Variants in R3HDM2 observed in about 807,000 individuals in gnomAD.
R3HDM2 encodes R3H domain-containing protein 2.
In R3HDM2, 38 loss-of-function variants were observed where a neutral mutation model predicts 124.5. The observed-to-expected ratio is 0.31, with a 90% CI of 0.24 to 0.40. The LOEUF (loss-of-function observed/expected upper bound fraction) is 0.40. R3HDM2 is among the 10% of genes least tolerant of loss of function. The pLI is 1.00. For synonymous variants in R3HDM2, 391 were observed against 448.0 expected (o/e 0.87, Z 1.61); for missense variants, 869 against 1,236.9 (o/e 0.70, Z 4.46).
chr12:57,298,611 A>G (rs373074151), intron 6 of R3HDM2, among the ~76,000 whole-genome samples: 2 of 152,048 alleles, frequency 1.3e-5, no homozygotes, highest in South Asian at 4.2e-4. Flanking sequence ...CTACCAGTAC[A>G]AGAGTTTAAA....
chr12:57,390,936 C>T (rs867262696), intron 2 of R3HDM2, among the ~76,000 whole-genome samples: 4 of 151,464 alleles, frequency 2.6e-5, no homozygotes, highest in African/African-American at 4.8e-5. Context: ...CACTTGAACC[C>T]GGGAAGCAGA....
intron 1 of R3HDM2, among the ~76,000 whole-genome samples, chr12:57,404,309 C>T (rs2068321839): frequency 6.6e-6 from 1 of 150,612 alleles, no homozygotes; most frequent in Non-Finnish European, 1.5e-5. Flanking sequence ...GGTGATCCAC[C>T]CGCCTCAGCC....
At chr12:57,318,521 T>A (rs2055675704) in intron 2 of R3HDM2, among the ~76,000 whole-genome samples, 1 of 151,806 alleles carries the variant, frequency 6.6e-6, no homozygotes, top group Non-Finnish European at 1.5e-5. Context: ...TGGTGGTGTG[T>A]GCCTTAGTCA....
chr12:57,290,054 A>T (rs2048266212), intron 11 of R3HDM2, among the ~76,000 whole-genome samples: 1 of 152,262 alleles, frequency 6.6e-6, no homozygotes, highest in Non-Finnish European at 1.5e-5. Flanking sequence ...AACAAAGAAT[A>T]CATACATTAG....
rs1018834297 is a variant in R3HDM2 at position 57,320,280 on chromosome 12, A to C, written c.-35-9817T>G. ...CTATCTCAAAAAAAAAAAAAAAAAA[A>C]AAAAAAAAGCCTTAAACAGCTAAAA... On this transcript the variant is annotated intron_variant, in intron 2 of 23. Coordinates refer to ENST00000402412, the MANE Select transcript of R3HDM2 (RefSeq NM_001394031.1). 3.1e-4 allele frequency among the ~76,000 whole-genome samples: 44 copies of C among 144,228 alleles called. 1 individual carries two copies. Among genetic ancestry groups the C allele is most frequent in the Admixed American group, 9.8e-4 (14 of 14,346 alleles). 94.6% of individuals were successfully genotyped at this position (144,228 alleles called of 152,430 possible). A position where few individuals can be genotyped will look rare whatever the true frequency, so the allele number is the denominator to read the frequency against.
At chr12:57,369,228 T>C (rs2063022173) in intron 2 of R3HDM2, among the ~76,000 whole-genome samples, 1 of 152,168 alleles carries the variant, frequency 6.6e-6, no homozygotes, top group South Asian at 2.1e-4. Context: ...AGGACCCTAG[T>C]TCTGAATTAA....
chr12:57,362,562 T>C (rs1403278736), intron 2 of R3HDM2, among the ~76,000 whole-genome samples: 1 of 152,158 alleles, frequency 6.6e-6, no homozygotes, highest in Non-Finnish European at 1.5e-5. Flanking sequence ...AGTCAAAAGT[T>C]ATATGTGGAT....
At chr12:57,378,643 T>C (rs2064409445) in intron 2 of R3HDM2, among the ~76,000 whole-genome samples, 2 of 152,208 alleles carry the variant, frequency 1.3e-5, no homozygotes, top group Non-Finnish European at 2.9e-5. Flanking sequence ...CCTCCCAAAG[T>C]GCTGCAATTA....
chr12:57,324,315 C>G (rs759385068), intron 2 of R3HDM2, among the ~76,000 whole-genome samples: 1 of 152,166 alleles, frequency 6.6e-6, no homozygotes, highest in Non-Finnish European at 1.5e-5. Context: ...TCCCCAGTAG[C>G]TGGGATTACA....
intron 2 of R3HDM2, among the ~76,000 whole-genome samples, chr12:57,320,031 G>A (rs916242868): frequency 1.3e-5 from 2 of 151,864 alleles, no homozygotes; most frequent in African/African-American, 2.4e-5. Flanking sequence ...TTTGGGAGGC[G>A]GGCGGATCAC....
chr12:57,258,307 CTATTTTATT>C (rs1205963496), intron 20 of R3HDM2, among the ~76,000 whole-genome samples, 170 bp from the exon 21 acceptor site: 20 of 146,080 alleles, frequency 1.4e-4, no homozygotes, highest in African/African-American at 5.0e-4. Context: ...TTCATTTATG[CTATTTTATT>C]TATTTATTTA....
chr12:57,330,799 C>T (rs1336185877), intron 2 of R3HDM2, among the ~76,000 whole-genome samples: 4 of 143,932 alleles, frequency 2.8e-5, no homozygotes, highest in Non-Finnish European at 6.1e-5. Flanking sequence ...CCCGGGTTCA[C>T]GCCATTCTCC....
intron 1 of R3HDM2, among the ~76,000 whole-genome samples, chr12:57,417,419 A>G (rs1002440994): frequency 6.6e-5 from 10 of 151,948 alleles, no homozygotes; most frequent in Admixed American, 2.0e-4. Context: ...CTTCCACATG[A>G]AACTGGGTTT....
chr12:57,423,463 T>A (rs749603299), intron 1 of R3HDM2, among the ~76,000 whole-genome samples: 7 of 150,182 alleles, frequency 4.7e-5, no homozygotes, highest in Non-Finnish European at 8.9e-5. Context: ...TTTTACAAGG[T>A]CTCCCATATT....
At chr12:57,424,817 G>A (rs1000760509) in intron 1 of R3HDM2, among the ~76,000 whole-genome samples, 1 of 151,984 alleles carries the variant, frequency 6.6e-6, no homozygotes, top group Non-Finnish European at 1.5e-5. Flanking sequence ...CAATCCTCCC[G>A]CCTCAGATTC....
Position 57,254,887 on chromosome 12 carries a change from G to A in R3HDM2, c.2859C>T (p.Pro953=), listed in dbSNP as rs1041004998. 6 of 1,614,034 alleles carry A rather than the reference G, an allele frequency of 3.7e-6. No individual in the cohort carries two copies. Among genetic ancestry groups the A allele is most frequent in the Non-Finnish European group, 4.2e-6 (5 of 1,180,024 alleles). The change falls in exon 24 of 24, where the codon CCC becomes CCT. Residue 953 remains proline, a synonymous_variant. Transcript: ENST00000402412. ...GAAGGGAGGCATTTTGGGCAGCCAGGGGGCTGGGGAACACAGCCACAATGG... is the reference window on the plus strand; with the variant it reads ...GAAGGGAGGCATTTTGGGCAGCCAGAGGGCTGGGGAACACAGCCACAATGG... ...LYTIVAVFPS[P]LAAQNASLRL... is the part of the protein sequence containing the mutation.
intron 2 of R3HDM2, among the ~76,000 whole-genome samples, chr12:57,391,486 C>G (rs745363479): frequency 6.6e-6 from 1 of 152,136 alleles, no homozygotes; most frequent in East Asian, 1.9e-4. Context: ...CAAGAAAGAT[C>G]CTTGTGGGGA....
chr12:57,429,218 C>A (rs1461091116), intron 1 of R3HDM2, among the ~76,000 whole-genome samples: 1 of 151,088 alleles, frequency 6.6e-6, no homozygotes, highest in East Asian at 2.0e-4. Flanking sequence ...AAGATCCCAT[C>A]CCTACGAAAA....
chr12:57,277,378 G>A (rs1478216669), intron 14 of R3HDM2, among the ~76,000 whole-genome samples: 5 of 152,026 alleles, frequency 3.3e-5, no homozygotes, highest in African/African-American at 9.7e-5. Context: ...AGTCAGTACT[G>A]TTCCCAGACC....
Sources: allele counts gnomAD v4.1 joint callset (sites outside exome capture counted in the v4.1 genomes callset), GRCh38; gene constraint gnomAD v4.1.1; transcripts MANE v1.5; gene names NCBI Gene and HGNC (gene_info 2026-07-23, HGNC 2026-07-21).